The following HPS4 variants were observed in gnomAD, a reference collection of about 807,000 sequenced individuals.
The protein encoded by HPS4 is HPS4 biogenesis of lysosomal organelles complex 3 subunit 2.
In HPS4, 44 loss-of-function variants were observed where a neutral mutation model predicts 70.3. The ratio of observed to expected loss-of-function variants is 0.63; its 90% confidence interval spans 0.49 to 0.80. HPS4 has a LOEUF of 0.80. Ranked by LOEUF, HPS4 falls within the 30% of genes least tolerant of loss-of-function variation. The probability of loss-of-function intolerance (pLI) is 0.00; values close to 1 mark genes in which losing one functional copy is unlikely to be tolerated. For synonymous variants in HPS4, 377 were observed against 355.9 expected (o/e 1.06, Z -0.67); for missense variants, 873 against 884.4 (o/e 0.99, Z 0.16).
At chr22:26,465,877 T>A in intron 9 of HPS4, 1 of 564,700 alleles carries the variant, frequency 1.8e-6, no homozygotes, top group Non-Finnish European at 3.1e-6. Flanking sequence ...TAAATCGAAA[T>A]AACTCTCCTG....
chr22:26,470,757 C>T lies in HPS4; in HGVS notation c.558G>A (p.Ser186=), dbSNP rs13054747. 62,585 of 1,614,016 alleles carry T rather than the reference C, an allele frequency of 0.039. 1,401 individuals carry two copies. The highest frequency in any genetic ancestry group is 0.042 in the Non-Finnish European group (49,680 of 1,179,958). Residue 186 remains serine (S), a synonymous_variant, in exon 7 of 14, where the codon TCG becomes TCA. Transcript: ENST00000398145. ...GGATGCAGCCAGCGAGAATGTGAGG[C>T]GAGCGCTGGCAGGTCTGCAGAATGC... The part of the protein sequence containing the change: ...AARILQTCQR[S]PHILAGCILY...
chr22:26,455,041 C>G (rs1171277406), intron 13 of HPS4, among the ~76,000 whole-genome samples: 2 of 152,222 alleles, frequency 1.3e-5, no homozygotes, highest in African/African-American at 2.4e-5. Flanking sequence ...GATACCATCT[C>G]ACATCAGTTA....
Position 26,470,758 on chromosome 22 carries a change from G to A in HPS4, c.557C>T (p.Ser186Leu), listed in dbSNP as rs61729175. ...GATGCAGCCAGCGAGAATGTGAGGC[G>A]AGCGCTGGCAGGTCTGCAGAATGCG... is the stretch of plus-strand genomic sequence containing the variant. ...AARILQTCQR[S>L]PHILAGCILY... Residue 186 changes from serine to leucine, a missense_variant, in exon 7 of 14, where the codon TCG (serine) becomes TTG (leucine). Transcript: ENST00000398145. 393 of 1,614,152 alleles carry A rather than the reference G, an allele frequency of 2.4e-4. No individual in the cohort carries two copies. The African/African-American group carries it at 3.5e-3, about 15-fold the overall frequency.
rs3747129 is a variant in HPS4, at chr22:26,466,075, G to A, written c.706+151C>T. The A allele has an allele frequency of 0.16, 244,842 of 1,567,474 alleles. 22,302 individuals carry two copies. Among genetic ancestry groups the A allele is most frequent in the South Asian group, 0.36 (30,812 of 85,832 alleles). On this transcript the variant is annotated intron_variant, in intron 9 of 13. Coordinates refer to ENST00000398145, the MANE Select transcript of HPS4 (RefSeq NM_022081.6). ...CCATTAGGGTTCTGGTGGGTAACTC[G>A]ATTCTTGAAGCTCCATAACATCCAT...
chr22:26,481,917 T>A lies in HPS4; in HGVS notation c.-155A>T, dbSNP rs545593544. On this transcript the variant is annotated 5_prime_UTR_variant, in exon 2 of 14. Transcript: ENST00000398145. ...CAGTCACAACTGCCACTTGGTTAGT[T>A]TTCACTCAGCATGGAAAGTTCCACT... The A allele has an allele frequency of 1.6e-5, 12 of 736,844 alleles. No individual in the cohort carries two copies. The African/African-American group carries it at 1.7e-4, about 11-fold the overall frequency. The allele number at this position is 736,844 out of a possible 1,614,324, so 45.6% of individuals were successfully genotyped here.
Position 26,472,915 on chromosome 22 carries a change from G to A in HPS4, c.301C>T (p.Pro101Ser), listed in dbSNP as rs775352863. 10 of 1,614,136 alleles carry A rather than the reference G, an allele frequency of 6.2e-6. No homozygotes were observed. The highest frequency in any genetic ancestry group is 8.5e-6 in the Non-Finnish European group (10 of 1,179,998). The change falls in exon 5 of 14, where the codon CCT becomes TCT. Residue 101 changes from proline (P) to serine (S), a missense_variant. Pro to Ser is a moderately conservative substitution (Grantham distance 74). Coordinates refer to ENST00000398145, the MANE Select transcript of HPS4 (RefSeq NM_022081.6). ...AGAAACCGCTTGCAGCTGACATCAGGGAGCTCCACAGCACAGCCCAGCACC... is the reference window on the plus strand; with the variant it reads ...AGAAACCGCTTGCAGCTGACATCAGAGAGCTCCACAGCACAGCCCAGCACC... ...LWVLGCAVEL[P>S]DVSCKRFLDQ... is the part of the protein sequence containing the mutation.
chr22:26,477,268 A>C, intron 3 of HPS4, 132 bp from the exon 4 acceptor site: 1 of 875,634 alleles, frequency 1.1e-6, no homozygotes, highest in Non-Finnish European at 1.9e-6. Flanking sequence ...TAAGCTAAGA[A>C]TGGTTCTTAT....
At chr22:26,455,726 TATA>T (rs753810137) in intron 13 of HPS4, among the ~76,000 whole-genome samples, 11 of 151,576 alleles carry the variant, frequency 7.3e-5, no homozygotes, top group Non-Finnish European at 1.2e-4. Flanking sequence ...CCCTAAAACT[TATA>T]ATAATAATAA....
At chr22:26,448,131 G>A (rs1323868709), downstream of HPS4, among the ~76,000 whole-genome samples, 1 of 152,218 alleles carries the variant, frequency 6.6e-6, no homozygotes, top group Non-Finnish European at 1.5e-5. Context: ...CACACATCCA[G>A]GACTCACTTC....
At chr22:26,461,864 T>C (rs1441226124) in intron 11 of HPS4, among the ~76,000 whole-genome samples, 1 of 152,134 alleles carries the variant, frequency 6.6e-6, no homozygotes, top group Non-Finnish European at 1.5e-5. Context: ...GGTGCAATCA[T>C]GCCTGTAATC....
intron 9 of HPS4, 120 bp from the exon 10 acceptor site, chr22:26,465,671 G>A: frequency 1.3e-6 from 1 of 793,260 alleles, no homozygotes; most frequent in Non-Finnish European, 2.1e-6. Context: ...GGTGCTGTGA[G>A]TGCATTCCTC....
intron 13 of HPS4, 77 bp downstream of exon 13, chr22:26,457,782 G>A (rs139794415): frequency 8.6e-5 from 90 of 1,047,198 alleles, no homozygotes; most frequent in Middle Eastern, 6.1e-4. Context: ...GGAATAAGGC[G>A]CTGCCTGGGC....
chr22:26,470,570 G>C, intron 7 of HPS4, 149 bp downstream of exon 7: 1 of 725,636 alleles, frequency 1.4e-6, no homozygotes, highest in South Asian at 1.6e-5. Context: ...TTTCTAAACT[G>C]AGTCAAATCT....
At chr22:26,444,785 GAT>G (rs967962628) in intron 3 of HPS4, 29 of 152,352 alleles carry the variant, frequency 1.9e-4, no homozygotes, top group Non-Finnish European at 7.3e-5. Context: ...TGTCTACACA[GAT>G]ATTTGTCAGT....
intron 5 of HPS4, 113 bp downstream of exon 5, chr22:26,472,719 G>A (rs1314953903): frequency 5.6e-6 from 5 of 893,982 alleles, no homozygotes; most frequent in African/African-American, 3.3e-5. Context: ...CTTGTCCCCA[G>A]ACACAATGTG....
At position 26,466,234 on chromosome 22, in the gene HPS4, T is replaced by C; in HGVS notation, c.698A>G (p.Gln233Arg). ...QRLPTGEDAP[Q>R]EHGAALPPNV... ...TGCGCCTCACTACTTACCATGTTCC[T>C]GCGGGGCATCCTCTCCCGTAGGGAG... The change falls in exon 9 of 14, where the codon CAG (glutamine) becomes CGG (arginine). Residue 233 changes from glutamine to arginine, a missense_variant. Coordinates refer to ENST00000398145, the MANE Select transcript of HPS4 (RefSeq NM_022081.6). The C allele has an allele frequency of 6.2e-7, 1 of 1,614,216 alleles. No individual in the cohort carries two copies. Among genetic ancestry groups the C allele is most frequent in the Non-Finnish European group, 8.5e-7 (1 of 1,180,030 alleles).
Position 26,470,751 on chromosome 22 carries a change from G to A in HPS4, c.564C>T (p.His188=). 6.2e-7 allele frequency: 1 copy of A among 1,614,212 alleles called. No individual in the cohort carries two copies. Among genetic ancestry groups the A allele is most frequent in the Non-Finnish European group, 8.5e-7 (1 of 1,180,044 alleles). ...TATAGAGGATGCAGCCAGCGAGAAT[G>A]TGAGGCGAGCGCTGGCAGGTCTGCA... ...RILQTCQRSP[H]ILAGCILYKG... is the part of the protein sequence containing the mutation. Residue 188 remains histidine (H), a synonymous_variant, in exon 7 of 14, where the codon CAC becomes CAT. Coordinates refer to ENST00000398145, the MANE Select transcript of HPS4 (RefSeq NM_022081.6).
intron 8 of HPS4, chr22:26,467,557 G>A (rs1274812811): frequency 3.3e-5 from 5 of 152,162 alleles, no homozygotes; most frequent in Admixed American, 2.6e-4. Flanking sequence ...CATCCTTAAC[G>A]TTCTCATTAT....
intron 2 of HPS4, 50 bp from the exon 3 acceptor site, chr22:26,479,405 G>A (rs776881100): frequency 1.9e-5 from 30 of 1,602,158 alleles, no homozygotes; most frequent in African/African-American, 2.7e-5. Context: ...CAGTGATCAC[G>A]GCATTTAAAA....
Sources: gnomAD v4.1 joint callset for allele counts (sites outside exome capture counted in the v4.1 genomes callset) on GRCh38, gnomAD v4.1.1 for gene constraint, MANE v1.5 for transcripts, NCBI Gene and HGNC (gene_info 2026-07-23, HGNC 2026-07-21) for gene names.